The following NRXN3 variants were observed in gnomAD, a reference collection of about 807,000 sequenced individuals.
The protein encoded by NRXN3 is neurexin III.
NRXN3 carries 32 observed loss-of-function variants against 137.6 expected under a neutral mutation model. The ratio of observed to expected loss-of-function variants is 0.23; its 90% confidence interval spans 0.18 to 0.31. The LOEUF is 0.31. NRXN3 is among the 10% of genes least tolerant of loss of function. The pLI is 1.00. For synonymous variants in NRXN3, 798 were observed against 784.5 expected (o/e 1.02, Z -0.29); for missense variants, 1,574 against 2,062.5 (o/e 0.76, Z 4.59).
At chr14:78,778,672 C>CTT (rs976357217) in intron 8 of NRXN3, among the ~76,000 whole-genome samples, 8 of 139,604 alleles carry the variant, frequency 5.7e-5, no homozygotes, top group Non-Finnish European at 9.5e-5. Flanking sequence ...TTTCTTTTCT[C>CTT]TTTTCTTTTC....
chr14:79,481,955 G>T (rs1410706043), intron 16 of NRXN3, among the ~76,000 whole-genome samples: 1 of 152,150 alleles, frequency 6.6e-6, no homozygotes, highest in African/African-American at 2.4e-5. Context: ...ACATCTGATT[G>T]TCAGAAGTGC....
intron 4 of NRXN3, among the ~76,000 whole-genome samples, chr14:78,586,061 C>T (rs1419310598): frequency 6.6e-6 from 1 of 152,116 alleles, no homozygotes; most frequent in Non-Finnish European, 1.5e-5. Flanking sequence ...CAGACAGTGA[C>T]CAGATTTTCA....
chr14:78,473,460 A>C (rs2095322058), intron 4 of NRXN3, among the ~76,000 whole-genome samples: 1 of 152,110 alleles, frequency 6.6e-6, no homozygotes, highest in Non-Finnish European at 1.5e-5. Flanking sequence ...TAATGGACTA[A>C]ATTAAAAAAG....
At chr14:78,393,079 A>G (rs2090984014) in intron 4 of NRXN3, among the ~76,000 whole-genome samples, 1 of 152,210 alleles carries the variant, frequency 6.6e-6, no homozygotes, top group African/African-American at 2.4e-5. Context: ...CTACCAGAAA[A>G]GAGAAAACCA....
At chr14:78,520,637 G>C (rs951229061) in intron 4 of NRXN3, among the ~76,000 whole-genome samples, 7 of 152,130 alleles carry the variant, frequency 4.6e-5, no homozygotes, top group African/African-American at 1.4e-4. Context: ...AGTTTATTTT[G>C]AAGCCTCAGT....
At chr14:78,256,043 G>T (rs139883635) in intron 2 of NRXN3, among the ~76,000 whole-genome samples, 3 of 152,062 alleles carry the variant, frequency 2.0e-5, no homozygotes, top group East Asian at 3.8e-4. Context: ...TACACATTCC[G>T]CTTGGTTTGA....
At chr14:79,431,639 T>G (rs2095756503) in intron 15 of NRXN3, among the ~76,000 whole-genome samples, 1 of 152,156 alleles carries the variant, frequency 6.6e-6, no homozygotes, top group Non-Finnish European at 1.5e-5. Context: ...ATATTTTGAT[T>G]AAATAAATCA....
chr14:78,503,303 G>T (rs901862710), intron 4 of NRXN3, among the ~76,000 whole-genome samples: 1 of 152,180 alleles, frequency 6.6e-6, no homozygotes, highest in Non-Finnish European at 1.5e-5. Context: ...GGTGGGATTT[G>T]TAGACTGCAC....
At chr14:78,550,989 T>C (rs1342764898) in intron 4 of NRXN3, among the ~76,000 whole-genome samples, 1 of 152,204 alleles carries the variant, frequency 6.6e-6, no homozygotes, top group Admixed American at 6.5e-5. Flanking sequence ...GTTAATGACC[T>C]TGTGTAAGCT....
chr14:78,432,814 T>C (rs1276587592), intron 4 of NRXN3, among the ~76,000 whole-genome samples: 1 of 152,134 alleles, frequency 6.6e-6, no homozygotes, highest in Non-Finnish European at 1.5e-5. Context: ...ACTGTGGCAG[T>C]AAGGAGTGGA....
intron 16 of NRXN3, among the ~76,000 whole-genome samples, chr14:79,537,464 CG>C (rs981737903): frequency 2.0e-5 from 3 of 152,048 alleles, no homozygotes; most frequent in African/African-American, 7.2e-5. Flanking sequence ...CAACAGGCCC[CG>C]GTGTGTGATG....
Position 78,491,235 on chromosome 14 carries a change from G to A in NRXN3, c.758-153885G>A, listed in dbSNP as rs17107757. On this transcript the variant is annotated intron_variant, in intron 4 of 20. Transcript: ENST00000335750. ...GGGATCAGCTGTGACCTAATTATGAGTCTCGTAAACCTGCATTGTGCCCTT... is the reference window on the plus strand; with the variant it reads ...GGGATCAGCTGTGACCTAATTATGAATCTCGTAAACCTGCATTGTGCCCTT... Among the ~76,000 whole-genome samples the A allele has an allele frequency of 5.1e-3, 775 of 152,220 alleles. 7 individuals carry two copies. The highest frequency in any genetic ancestry group is 0.018 in the African/African-American group (731 of 41,526).
chr14:78,210,336 A>AG (rs1475888245), intron 1 of NRXN3, among the ~76,000 whole-genome samples: 10 of 151,820 alleles, frequency 6.6e-5, no homozygotes, highest in Admixed American at 6.6e-4. Flanking sequence ...CACTAATCCC[A>AG]TTCATGAAGG....
rs2099415671 is a variant in NRXN3, at chr14:79,862,899, G to C, written c.*935G>C. 1 of 152,370 alleles carries C rather than the reference G, an allele frequency of 6.6e-6. No individual in the cohort carries two copies. The highest frequency in any genetic ancestry group is 2.4e-5 in the African/African-American group (1 of 41,410). 9.4% of individuals were successfully genotyped at this position (152,370 alleles called of 1,614,324 possible). On this transcript the variant is annotated 3_prime_UTR_variant, in exon 21 of 21. Transcript: ENST00000335750. ...GGCTTTACGTAACAATATTGTTCCT[G>C]TCCATTCACCCAGCCAAATTGTGTT... is the stretch of plus-strand genomic sequence containing the variant.
At chr14:79,508,264 A>AACTATTGTCATAGTCATCAT (rs1277205516) in intron 16 of NRXN3, among the ~76,000 whole-genome samples, 1 of 152,018 alleles carries the variant, frequency 6.6e-6, no homozygotes, top group Non-Finnish European at 1.5e-5. Flanking sequence ...AGTAAATGAT[A>AACTATTGTCATAGTCATCAT]ACTATTGTCA....
chr14:78,721,773 A>G (rs778771025), intron 8 of NRXN3, among the ~76,000 whole-genome samples: 4 of 152,184 alleles, frequency 2.6e-5, no homozygotes, highest in African/African-American at 9.7e-5. Flanking sequence ...TTTGATAGAT[A>G]ATGACATGTA....
Position 78,920,590 on chromosome 14 carries a change from G to A in NRXN3, c.2276-36652G>A, listed in dbSNP as rs144431432. 1.1e-4 allele frequency among the ~76,000 whole-genome samples: 16 copies of A among 152,076 alleles called. No individual in the cohort carries two copies. In the East Asian group the frequency reaches 2.9e-3, roughly 28 times the overall value. On this transcript the variant is annotated intron_variant, in intron 10 of 20. Transcript: ENST00000335750. ...GTTAGCACAGATCCCCCAGGTTAAG[G>A]ACTCAGTCTCACAAGACTTCTGCTA...
chr14:79,284,368 A>G (rs2081877859), intron 15 of NRXN3, among the ~76,000 whole-genome samples: 1 of 118,680 alleles, frequency 8.4e-6, no homozygotes, highest in Non-Finnish European at 1.6e-5. Flanking sequence ...ATATATATAT[A>G]TATATATATA....
chr14:78,783,268 T>C (rs1181444466), intron 8 of NRXN3, among the ~76,000 whole-genome samples: 1 of 152,156 alleles, frequency 6.6e-6, no homozygotes, highest in Admixed American at 6.5e-5. Flanking sequence ...TTTTATGGTG[T>C]TCTTGCCAAA....
Sources: gnomAD v4.1 joint callset for allele counts (sites outside exome capture counted in the v4.1 genomes callset) on GRCh38, gnomAD v4.1.1 for gene constraint, MANE v1.5 for transcripts, NCBI Gene and HGNC (gene_info 2026-07-23, HGNC 2026-07-21) for gene names.